PORCN: variants seen among roughly 807,000 people sequenced by gnomAD.
The protein encoded by PORCN is protein-serine O-palmitoleoyltransferase porcupine.
In PORCN, 1 loss-of-function variant was observed where a neutral mutation model predicts 43.0. The observed-to-expected ratio is 0.02, with a 90% CI of 0.01 to 0.11. The LOEUF is 0.11. PORCN is among the 10% of genes least tolerant of loss of function. The probability of loss-of-function intolerance (pLI) is 1.00; values close to 1 mark genes in which losing one functional copy is unlikely to be tolerated. For synonymous variants in PORCN, 148 were observed against 166.4 expected, an observed-to-expected ratio of 0.89 and a Z score of 0.85; for missense variants, 240 against 392.1, an observed-to-expected ratio of 0.61 and a Z score of 3.28.
chrX:48,509,352 C>G, intron 1 of PORCN: 1 of 288,993 alleles, frequency 3.5e-6, no homozygotes, highest in South Asian at 4.1e-5. Flanking sequence ...CCCCGTGCCG[C>G]CGCATCCATA....
chrX:48,512,354 A>G lies in PORCN; in HGVS notation c.402A>G (p.Ala134=). 1 of 1,212,069 alleles carries G rather than the reference A, an allele frequency of 8.3e-7. No homozygotes were observed. Among genetic ancestry groups the G allele is most frequent in the Non-Finnish European group, 1.1e-6 (1 of 895,574 alleles). ...CACAGATGATTGTGGCCATGAAGGC[A>G]GTGTCTCTGGGCTTCGACCTGGACC... ...RGAQMIVAMK[A]VSLGFDLDRG... Residue 134 remains alanine (A), a synonymous_variant, in exon 5 of 15, where the codon GCA becomes GCG. Coordinates refer to ENST00000326194, the MANE Select transcript of PORCN (RefSeq NM_203475.3).
Position 48,520,784 on chromosome X carries a change from T to C in PORCN, c.*308T>C. On this transcript the variant is annotated 3_prime_UTR_variant, in exon 15 of 15. Transcript: ENST00000326194. ...CCTTTTTATATACAATTTGTTATTG[T>C]CAAATAAAAGTAGGAAATATTCAAT... is the stretch of plus-strand genomic sequence containing the variant. 2.9e-6 allele frequency: 1 copy of C among 341,403 alleles called. No individual in the cohort carries two copies. Among genetic ancestry groups the C allele is most frequent in the Non-Finnish European group, 5.2e-6 (1 of 190,573 alleles). 28.1% of individuals were successfully genotyped at this position (341,403 alleles called of 1,213,427 possible). A position where few individuals can be genotyped will look rare whatever the true frequency, so the allele number is the denominator to read the frequency against.
chrX:48,516,022 A>C (rs1167887663), intron 12 of PORCN, 39 bp from the exon 13 acceptor site: 1 of 1,203,616 alleles, frequency 8.3e-7, no homozygotes, highest in Non-Finnish European at 1.1e-6. Context: ...GCCTCCCCTG[A>C]GGCTAACCTG....
chrX:48,514,072 C>G (rs1447019582), intron 7 of PORCN, 55 bp from the exon 8 acceptor site: 2 of 1,197,177 alleles, frequency 1.7e-6, no homozygotes, highest in African/African-American at 3.5e-5. Flanking sequence ...TCCAGGGCCT[C>G]TCTGACTCTC....
rs1198571269 is a variant in PORCN at position 48,514,456 on chromosome X, C to A, written c.846-69C>A. On this transcript the variant is annotated intron_variant, in intron 9 of 14. Coordinates refer to ENST00000326194, the MANE Select transcript of PORCN (RefSeq NM_203475.3). ...GGGTGCTCCCAGGGGAGGGAACGGC[C>A]AAGACAGAAGTGTGGCGGTCAGATG... 2.5e-6 allele frequency: 3 copies of A among 1,186,668 alleles called. No individual in the cohort carries two copies. In the African/African-American group the frequency reaches 5.3e-5, roughly 21 times the overall value.
rs1910041140 is a variant in PORCN at position 48,510,820 on chromosome X, C to T, written c.137-475C>T. On this transcript the variant is annotated intron_variant, in intron 2 of 14. Transcript: ENST00000326194. Reference sequence around the variant, plus strand: ...ATCCATCTATCTATCTATCATCTTCCTGAATTGCCTGAATAACCTGCTGAC... The same window carrying T: ...ATCCATCTATCTATCTATCATCTTCTTGAATTGCCTGAATAACCTGCTGAC... Among the ~76,000 whole-genome samples, 6 of 110,330 alleles carry T rather than the reference C, an allele frequency of 5.4e-5. No individual in the cohort carries two copies. The South Asian group carries it at 2.3e-3, about 43-fold the overall frequency.
Position 48,517,178 on chromosome X carries a change from C to T in PORCN, c.1174-5C>T. ...TTGCCAAGTATATCCATCTGTCCCC[C>T]ACAGGGCCTGGGGGTGCGAGCCTTA... On this transcript the variant is annotated splice_region_variant and splice_polypyrimidine_tract_variant and intron_variant, in intron 13 of 14. Transcript: ENST00000326194. 8.6e-7 allele frequency: 1 copy of T among 1,162,098 alleles called. No individual in the cohort carries two copies. The highest frequency in any genetic ancestry group is 3.2e-5 in the East Asian group (1 of 30,835).
At position 48,514,571 on chromosome X, in the gene PORCN, A is replaced by G. The variant is rs782354406; in HGVS notation, c.892A>G (p.Met298Val). Residue 298 changes from methionine (M) to valine (V), a missense_variant, in exon 10 of 15, where the codon ATG becomes GTG. Physicochemically the swap from Met to Val is conservative, Grantham distance 21. Coordinates refer to ENST00000326194, the MANE Select transcript of PORCN (RefSeq NM_203475.3). ...KPLNVELPRSMVEVVTSWNLP... is the reference protein window; with the variant it reads ...KPLNVELPRSVVEVVTSWNLP... Reference sequence around the variant, plus strand: ...ACTGAATGTGGAGCTGCCTCGGTCAATGGTGGAAGTTGTCACAAGCTGGAA... The same window carrying G: ...ACTGAATGTGGAGCTGCCTCGGTCAGTGGTGGAAGTTGTCACAAGCTGGAA... 1 of 1,212,083 alleles carries G rather than the reference A, an allele frequency of 8.3e-7. No homozygotes were observed. Among genetic ancestry groups the G allele is most frequent in the South Asian group, 1.8e-5 (1 of 57,021 alleles).
Position 48,512,830 on chromosome X carries a change from T to A in PORCN, c.687-5T>A. On this transcript the variant is annotated splice_polypyrimidine_tract_variant and splice_region_variant and intron_variant, in intron 6 of 14. Transcript: ENST00000326194. ...AATGCTTCTTTCTGTCTTCTGTTAC[T>A]ACAGCAAGAAACGCAAAGCCAGGTA... 1 of 1,212,368 alleles carries A rather than the reference T, an allele frequency of 8.2e-7. No individual in the cohort carries two copies. The highest frequency in any genetic ancestry group is 1.8e-5 in the South Asian group (1 of 57,072).
At chrX:48,516,699 G>T (rs1278339640) in intron 13 of PORCN, among the ~76,000 whole-genome samples, 4 of 110,763 alleles carry the variant, frequency 3.6e-5, no homozygotes, top group Non-Finnish European at 7.6e-5. Flanking sequence ...CCTGAGGTAG[G>T]AGAGGGCCTG....
intron 2 of PORCN, 103 bp from the exon 3 acceptor site, chrX:48,511,192 T>G: frequency 1.5e-5 from 10 of 665,488 alleles, no homozygotes; most frequent in East Asian, 3.9e-5. Context: ...CTCTTTCTTG[T>G]TCTCCCTCTC....
In PORCN at chrX:48,509,806, C is replaced by T. The variant is rs782521830; in HGVS notation, c.-15C>T. On this transcript the variant is annotated 5_prime_UTR_variant, in exon 2 of 15. Transcript: ENST00000326194. ...CAGATCTATCCATCTGGCCATCCAT[C>T]CGTGGGGGTCTGCAATGGCCACCTT... is the stretch of plus-strand genomic sequence containing the variant. The T allele has an allele frequency of 1.4e-5, 17 of 1,208,382 alleles. No homozygotes were observed. The highest frequency in any genetic ancestry group is 2.2e-5 in the Admixed American group (1 of 45,687).
At chrX:48,515,592 G>T (rs2061709639) in intron 10 of PORCN, 125 bp from the exon 11 acceptor site, 1 of 556,592 alleles carries the variant, frequency 1.8e-6, no homozygotes, top group African/African-American at 2.3e-5. Context: ...TGAAGTTTGA[G>T]GCCATCTAAG....
In PORCN at chrX:48,520,367, T is replaced by C. The variant is rs782112017; in HGVS notation, c.1285-8T>C. 1 of 1,192,720 alleles carries C rather than the reference T, an allele frequency of 8.4e-7. No individual in the cohort carries two copies. Among genetic ancestry groups the C allele is most frequent in the South Asian group, 1.8e-5 (1 of 56,566 alleles). ...TAAGTGGGACCATCACCTCTTTCTC[T>C]CCCACAGGGCTACGGCATGGCATAC... On this transcript the variant is annotated splice_region_variant and splice_polypyrimidine_tract_variant and intron_variant, in intron 14 of 14. Coordinates refer to ENST00000326194, the MANE Select transcript of PORCN (RefSeq NM_203475.3).
At position 48,520,806 on chromosome X, in the gene PORCN, C is replaced by G. The variant is rs2061754993; in HGVS notation, c.*330C>G. On this transcript the variant is annotated 3_prime_UTR_variant, in exon 15 of 15. Transcript: ENST00000326194. ...TTGTCAAATAAAAGTAGGAAATATT[C>G]AATAGGCTTCTTCTTCACTGCTCAG... The G allele has an allele frequency of 3.3e-6, 1 of 302,772 alleles. No individual in the cohort carries two copies. The highest frequency in any genetic ancestry group is 6.0e-6 in the Non-Finnish European group (1 of 167,144). 25.0% of individuals were successfully genotyped at this position (302,772 alleles called of 1,213,427 possible).
rs1010003048 is a variant in PORCN at position 48,518,120 on chromosome X, C to T, written c.1284+827C>T. ...GTAGAGACAGGGTCTCCCTATGTTG[C>T]CCAGGCTGGTCTTGAACTCCTAGGC... On this transcript the variant is annotated intron_variant, in intron 14 of 14. Transcript: ENST00000326194. 3.7e-5 allele frequency among the ~76,000 whole-genome samples: 4 copies of T among 108,906 alleles called. No individual in the cohort carries two copies. In the Admixed American group the frequency reaches 4.0e-4, roughly 11 times the overall value. The allele number at this position is 108,906 out of a possible 115,157, so 94.6% of individuals were successfully genotyped here.
In PORCN at chrX:48,511,876, G is replaced by T; in HGVS notation, c.330-16G>T. The T allele has an allele frequency of 8.3e-7, 1 of 1,208,265 alleles. No homozygotes were observed. Among genetic ancestry groups the T allele is most frequent in the South Asian group, 1.8e-5 (1 of 56,867 alleles). ...CATGAGTGTCATGGGACCAAGACCA[G>T]CACCTTTTTCCTCAGTGAGATGCAC... On this transcript the variant is annotated splice_polypyrimidine_tract_variant and intron_variant, in intron 3 of 14. Transcript: ENST00000326194.
At chrX:48,515,465 A>C (rs1331296824) in intron 10 of PORCN, 8 of 431,210 alleles carry the variant, frequency 1.9e-5, no homozygotes, top group African/African-American at 1.7e-4. Context: ...AGGGCAAATC[A>C]AGGGTAATTC....
chrX:48,516,081 C>A lies in PORCN; in HGVS notation c.1108C>A (p.Arg370=). The stretch of plus-strand genomic sequence containing the variant: ...CCTAGTCCTCCGGAAGCGCCTGGCT[C>A]GGATCCTCAGTGCCTGTGTCTTGTC... ...VEHVLRKRLA[R]ILSACVLSKR... is the part of the protein sequence containing the mutation. The change falls in exon 13 of 15, where the codon CGG becomes AGG. Residue 370 remains arginine (R), a synonymous_variant. Coordinates refer to ENST00000326194, the MANE Select transcript of PORCN (RefSeq NM_203475.3). 2 of 1,211,813 alleles carry A rather than the reference C, an allele frequency of 1.7e-6. No individual in the cohort carries two copies. The highest frequency in any genetic ancestry group is 2.2e-6 in the Non-Finnish European group (2 of 895,438).
Sources: allele counts gnomAD v4.1 joint callset (sites outside exome capture counted in the v4.1 genomes callset), GRCh38; gene constraint gnomAD v4.1.1; transcripts MANE v1.5; gene names NCBI Gene and HGNC (gene_info 2026-07-23, HGNC 2026-07-21).